The following RNLS variants were observed in gnomAD, a reference collection of about 807,000 sequenced individuals.
RNLS encodes renalase, FAD dependent amine oxidase.
A neutral mutation model predicts 39.8 loss-of-function variants in RNLS; 39 were observed. That is an observed-to-expected ratio of 0.98 (90% CI 0.76 to 1.28). The LOEUF (loss-of-function observed/expected upper bound fraction) is 1.28, where lower values mean the gene tolerates loss of function less well. Among genes scored for constraint, RNLS ranks in the 50% most tolerant of loss-of-function variants. The probability of loss-of-function intolerance (pLI) is 0.00; values close to 1 mark genes in which losing one functional copy is unlikely to be tolerated. For synonymous variants in RNLS, 147 were observed against 150.7 expected (o/e 0.98, Z 0.18); for missense variants, 410 against 413.3 (o/e 0.99, Z 0.07).
At chr10:88,220,811 G>A in the RNLS span, among the ~76,000 whole-genome samples, 678 of 152,316 alleles carry the variant, frequency 4.5e-3, 2 homozygotes, top group African/African-American at 0.012. Context: ...ATGGGTGTTT[G>A]ACATAATTAT....
At chr10:88,537,375 A>G (rs1847814312) in intron 4 of RNLS, among the ~76,000 whole-genome samples, 1 of 152,216 alleles carries the variant, frequency 6.6e-6, no homozygotes, top group African/African-American at 2.4e-5. Flanking sequence ...AGAAATATAC[A>G]CAAATTGTTC....
chr10:88,344,163 T>G (rs558913321), intron 5 of RNLS, among the ~76,000 whole-genome samples: 1 of 152,338 alleles, frequency 6.6e-6, no homozygotes, highest in South Asian at 2.1e-4. Context: ...AGGATATCAC[T>G]TTATCACTGC....
the RNLS span, among the ~76,000 whole-genome samples, chr10:88,248,854 C>T: frequency 8.5e-5 from 13 of 152,336 alleles, no homozygotes; most frequent in African/African-American, 3.1e-4. Flanking sequence ...ATAAGAATCT[C>T]TACTACATTC....
At chr10:88,528,597 G>A (rs1350115961) in intron 4 of RNLS, among the ~76,000 whole-genome samples, 2 of 152,002 alleles carry the variant, frequency 1.3e-5, no homozygotes, top group Non-Finnish European at 2.9e-5. Flanking sequence ...TGTAATCCCA[G>A]CACTTTGGGA....
chr10:88,414,936 G>A (rs1217567927), intron 4 of RNLS, among the ~76,000 whole-genome samples: 1 of 152,174 alleles, frequency 6.6e-6, no homozygotes, highest in African/African-American at 2.4e-5. Context: ...AGAGCTCTGA[G>A]AAAGATGGGT....
intron 4 of RNLS, among the ~76,000 whole-genome samples, chr10:88,546,868 C>T (rs1589991506): frequency 1.3e-5 from 2 of 148,578 alleles, no homozygotes; most frequent in Non-Finnish European, 3.0e-5. Context: ...GGCAGCCAGA[C>T]GTTGCAAGTC....
chr10:88,467,446 AATCTT>A (rs1488697791), intron 4 of RNLS, among the ~76,000 whole-genome samples: 2 of 152,076 alleles, frequency 1.3e-5, no homozygotes, highest in African/African-American at 4.8e-5. Context: ...AATTTTTAAA[AATCTT>A]AACAACTATC....
chr10:88,266,068 C>T, the RNLS span, among the ~76,000 whole-genome samples: 4 of 152,226 alleles, frequency 2.6e-5, no homozygotes, highest in Middle Eastern at 3.4e-3. Context: ...TTATCTAGGG[C>T]ACTTTATTGG....
At chr10:88,251,897 C>G in the RNLS span, among the ~76,000 whole-genome samples, 2 of 152,316 alleles carry the variant, frequency 1.3e-5, no homozygotes, top group East Asian at 3.9e-4. Flanking sequence ...AAGCTTTTCC[C>G]TGGCCTACAA....
rs182815317 is a variant in RNLS at position 88,338,873 on chromosome 10, C to T, written c.700+23679G>A. Among the ~76,000 whole-genome samples the T allele has an allele frequency of 5.2e-3, 796 of 152,074 alleles. 8 individuals carry two copies. Among genetic ancestry groups the T allele is most frequent in the African/African-American group, 0.019 (772 of 41,502 alleles). ...GCCTCCCGGGCTCACGCCGTTCTCC[C>T]GCCTCAGCCTCCTGAGTAGCTGGGA... On this transcript the variant is annotated intron_variant, in intron 5 of 6. Coordinates refer to ENST00000331772, the MANE Select transcript of RNLS (RefSeq NM_001031709.3).
chr10:88,260,949 C>T, the RNLS span, among the ~76,000 whole-genome samples: 2 of 152,162 alleles, frequency 1.3e-5, no homozygotes, highest in African/African-American at 4.8e-5. Context: ...TATATGTGCC[C>T]AAACCTTCCA....
At chr10:88,282,641 A>G (rs1745841599), downstream of RNLS, among the ~76,000 whole-genome samples, 1 of 152,056 alleles carries the variant, frequency 6.6e-6, no homozygotes, top group African/African-American at 2.4e-5. Flanking sequence ...AGAAGGCTTG[A>G]TGACTCAACG....
intron 4 of RNLS, among the ~76,000 whole-genome samples, chr10:88,393,840 C>A (rs1852372407): frequency 6.6e-6 from 1 of 152,172 alleles, no homozygotes; most frequent in African/African-American, 2.4e-5. Flanking sequence ...GGTACCAAAA[C>A]AGAGATATAC....
At chr10:88,377,182 ATC>A (rs749180014) in intron 4 of RNLS, among the ~76,000 whole-genome samples, 2 of 151,930 alleles carry the variant, frequency 1.3e-5, no homozygotes, top group African/African-American at 4.8e-5. Context: ...TATTCTCCAC[ATC>A]TCTGTGTGTG....
At chr10:88,548,164 A>T (rs980138077) in intron 4 of RNLS, among the ~76,000 whole-genome samples, 53 of 146,202 alleles carry the variant, frequency 3.6e-4, no homozygotes, top group Admixed American at 3.2e-3. Flanking sequence ...CCGGAGGCTG[A>T]GGCAGGAGAA....
chr10:88,415,035 G>C (rs543334593), intron 4 of RNLS, among the ~76,000 whole-genome samples: 1 of 152,116 alleles, frequency 6.6e-6, no homozygotes, highest in Non-Finnish European at 1.5e-5. Flanking sequence ...AAAGCGCACA[G>C]ATACTGTATG....
chr10:88,257,341 A>T, the RNLS span, among the ~76,000 whole-genome samples: 1 of 152,210 alleles, frequency 6.6e-6, no homozygotes, highest in Non-Finnish European at 1.5e-5. Flanking sequence ...GTAGGAAGGG[A>T]TTAATGGGAG....
intron 4 of RNLS, among the ~76,000 whole-genome samples, chr10:88,524,196 T>C (rs987852470): frequency 1.3e-5 from 2 of 152,074 alleles, no homozygotes; most frequent in African/African-American, 4.8e-5. Context: ...CCTGATGGCT[T>C]CCTGGGCCCT....
intron 4 of RNLS, among the ~76,000 whole-genome samples, chr10:88,372,732 T>G (rs1301153744): frequency 6.6e-6 from 1 of 152,158 alleles, no homozygotes. Flanking sequence ...AGAATTAATT[T>G]TGGACTGACA....
Sources: allele counts gnomAD v4.1 joint callset (sites outside exome capture counted in the v4.1 genomes callset), GRCh38; gene constraint gnomAD v4.1.1; transcripts MANE v1.5; gene names NCBI Gene and HGNC (gene_info 2026-07-23, HGNC 2026-07-21).